GADL1: variants seen among roughly 807,000 people sequenced by gnomAD.
The protein encoded by GADL1 is acidic amino acid decarboxylase GADL1.
A neutral mutation model predicts 69.5 loss-of-function variants in GADL1; 71 were observed. The ratio of observed to expected loss-of-function variants is 1.02; its 90% CI spans 0.84 to 1.25. The LOEUF is 1.25. Among genes scored for constraint, GADL1 ranks in the 50% most tolerant of loss-of-function variants. The pLI is 0.00. For synonymous variants in GADL1, 254 were observed against 214.4 expected (o/e 1.18, Z -1.62); for missense variants, 737 against 631.8 (o/e 1.17, Z -1.79).
chr3:30,839,816 T>C (rs1314745371), intron 8 of GADL1, among the ~76,000 whole-genome samples: 1 of 151,954 alleles, frequency 6.6e-6, no homozygotes, highest in Non-Finnish European at 1.5e-5. Context: ...TGGTGGGAAA[T>C]AGAGAAGAAA....
chr3:30,796,056 T>C (rs1248131779), intron 12 of GADL1, among the ~76,000 whole-genome samples: 1 of 152,198 alleles, frequency 6.6e-6, no homozygotes, highest in Non-Finnish European at 1.5e-5. Flanking sequence ...TCTGCAGAAA[T>C]TAGAAAGTAT....
intron 14 of GADL1, among the ~76,000 whole-genome samples, chr3:30,749,829 C>A (rs763426707): frequency 6.6e-6 from 1 of 152,024 alleles, no homozygotes. Flanking sequence ...ACTCAGGGAC[C>A]GGCAATAAAA....
At chr3:30,768,552 GGA>G (rs1433037885) in intron 14 of GADL1, among the ~76,000 whole-genome samples, 3 of 134,922 alleles carry the variant, frequency 2.2e-5, no homozygotes, top group Non-Finnish European at 3.4e-5. Flanking sequence ...GAGAAGAGGG[GGA>G]GAGAGAAGGG....
rs1697347285 is a variant in GADL1, at chr3:30,811,234, A to C, written c.1051-10146T>G. On this transcript the variant is annotated intron_variant, in intron 11 of 14. Coordinates refer to ENST00000282538, the MANE Select transcript of GADL1 (RefSeq NM_207359.3). ...GTTAGAATGAGCTGCTTAGAAAATG[A>C]GGAGACTGAACTAAGATATTTTTAG... is the stretch of plus-strand genomic sequence containing the variant. 2.0e-5 allele frequency among the ~76,000 whole-genome samples: 3 copies of C among 152,114 alleles called. No homozygotes were observed. In the South Asian group the frequency reaches 6.3e-4, roughly 32 times the overall value.
intron 14 of GADL1, among the ~76,000 whole-genome samples, chr3:30,771,868 T>C (rs1371057530): frequency 2.0e-5 from 3 of 150,494 alleles, no homozygotes; most frequent in Non-Finnish European, 4.4e-5. Context: ...GGAGACGTTA[T>C]ACACAGGATT....
At chr3:30,747,904 T>C (rs193292759) in intron 14 of GADL1, among the ~76,000 whole-genome samples, 74 of 152,298 alleles carry the variant, frequency 4.9e-4, no homozygotes, top group Middle Eastern at 3.4e-3. Flanking sequence ...GCTAGATCAC[T>C]AGGGCCACTA....
At chr3:30,749,268 G>A (rs899296790) in intron 14 of GADL1, among the ~76,000 whole-genome samples, 1 of 152,146 alleles carries the variant, frequency 6.6e-6, no homozygotes, top group Non-Finnish European at 1.5e-5. Context: ...TTCCTTTTAG[G>A]TGAAGCAGAA....
At chr3:30,741,615 A>T (rs1695627494) in intron 14 of GADL1, among the ~76,000 whole-genome samples, 1 of 152,158 alleles carries the variant, frequency 6.6e-6, no homozygotes, top group African/African-American at 2.4e-5. Flanking sequence ...TTAGTCTCCT[A>T]GAGGACATCC....
chr3:30,861,121 A>G (rs1348817650), intron 2 of GADL1, among the ~76,000 whole-genome samples: 1 of 151,968 alleles, frequency 6.6e-6, no homozygotes, highest in Admixed American at 6.6e-5. Flanking sequence ...TTTCTAGGCT[A>G]AATTTAGACA....
At chr3:30,884,026 T>C (rs1311550661) in intron 1 of GADL1, among the ~76,000 whole-genome samples, 3 of 151,984 alleles carry the variant, frequency 2.0e-5, no homozygotes, top group Admixed American at 6.6e-5. Context: ...TATTTGCTCA[T>C]CCAACTCCAA....
intron 1 of GADL1, among the ~76,000 whole-genome samples, chr3:30,876,810 G>T (rs1698582484): frequency 6.6e-6 from 1 of 151,836 alleles, no homozygotes; most frequent in African/African-American, 2.4e-5. Context: ...CTTCACATGT[G>T]GTAACACTAA....
intron 1 of GADL1, among the ~76,000 whole-genome samples, chr3:30,879,498 C>CACCT (rs1364178230): frequency 9.2e-5 from 14 of 151,906 alleles, no homozygotes; most frequent in African/African-American, 3.4e-4. Flanking sequence ...TTTGATAAGT[C>CACCT]TGCAAGGTGA....
At chr3:30,883,933 G>T (rs1285136060) in intron 1 of GADL1, among the ~76,000 whole-genome samples, 1 of 151,648 alleles carries the variant, frequency 6.6e-6, no homozygotes, top group Non-Finnish European at 1.5e-5. Context: ...TAATTACTTG[G>T]CTTTTTAAGA....
At chr3:30,881,080 A>G (rs1214621869) in intron 1 of GADL1, among the ~76,000 whole-genome samples, 1 of 151,940 alleles carries the variant, frequency 6.6e-6, no homozygotes, top group East Asian at 1.9e-4. Flanking sequence ...GTGAGTAGAA[A>G]GCTGTAATAT....
intron 12 of GADL1, among the ~76,000 whole-genome samples, chr3:30,787,596 A>C (rs1013385308): frequency 6.6e-5 from 10 of 152,174 alleles, no homozygotes; most frequent in Non-Finnish European, 8.8e-5. Context: ...TATAATAGCA[A>C]AAAATCACAC....
At chr3:30,732,184 T>C (rs1474909679) in intron 14 of GADL1, among the ~76,000 whole-genome samples, 1 of 152,146 alleles carries the variant, frequency 6.6e-6, no homozygotes, top group African/African-American at 2.4e-5. Flanking sequence ...ACAGTCCTAA[T>C]CTGACAGGAT....
chr3:30,879,507 G>T (rs1698616599), intron 1 of GADL1, among the ~76,000 whole-genome samples: 1 of 151,836 alleles, frequency 6.6e-6, no homozygotes, highest in South Asian at 2.1e-4. Flanking sequence ...TCTGCAAGGT[G>T]ATCTCCTCCA....
chr3:30,879,546 G>T (rs1698617256), intron 1 of GADL1, among the ~76,000 whole-genome samples: 1 of 151,822 alleles, frequency 6.6e-6, no homozygotes, highest in South Asian at 2.1e-4. Flanking sequence ...CTATGTTGTT[G>T]CTTACCATAT....
In GADL1 at chr3:30,776,656, C is replaced by T. The variant is rs762315706; in HGVS notation, c.1392+1523G>A. ...GAGCCATGAATAAACAGAAAATGAC[C>T]TGAAGCTAAAAGGACACGCTGCCAA... On this transcript the variant is annotated intron_variant, in intron 14 of 14. Coordinates refer to ENST00000282538, the MANE Select transcript of GADL1 (RefSeq NM_207359.3). 6.2e-4 allele frequency among the ~76,000 whole-genome samples: 95 copies of T among 152,138 alleles called. 1 individual carries two copies. Among genetic ancestry groups the T allele is most frequent in the South Asian group, 6.2e-4 (3 of 4,826 alleles).
Sources: gnomAD v4.1 joint callset for allele counts (sites outside exome capture counted in the v4.1 genomes callset) on GRCh38, gnomAD v4.1.1 for gene constraint, MANE v1.5 for transcripts, NCBI Gene and HGNC (gene_info 2026-07-23, HGNC 2026-07-21) for gene names.